The following TRPM4 variants were observed in gnomAD, a reference collection of about 807,000 sequenced individuals.
TRPM4 encodes calcium-activated non-selective cation channel 1.
In TRPM4, 124 loss-of-function variants were observed where a neutral mutation model predicts 135.6. That is an observed-to-expected ratio of 0.91 (90% CI 0.79 to 1.06). The LOEUF is 1.06. Ranked by LOEUF, TRPM4 falls within the 50% of genes least tolerant of loss-of-function variation. TRPM4 has a pLI of 0.00. For missense variants in TRPM4, 1,658 were observed against 1,671.4 expected, an observed-to-expected ratio of 0.99 and a Z score of 0.14; for synonymous variants, 745 against 705.6, an observed-to-expected ratio of 1.06 and a Z score of -0.88.
rs994755458 is a variant in TRPM4, at chr19:49,196,725, C to T, written c.2496C>T (p.Gly832=). 6.4e-7 allele frequency: 1 copy of T among 1,553,040 alleles called. No individual in the cohort carries two copies. Among genetic ancestry groups the T allele is most frequent in the Non-Finnish European group, 8.7e-7 (1 of 1,155,802 alleles). Residue 832 remains glycine, a synonymous_variant, in exon 17 of 25, where the codon GGC becomes GGT. Transcript: ENST00000252826. ...FTLLCEELRQ[G]LSGGGGSLAS... is the part of the protein sequence containing the mutation. ...TGCTGTGCGAGGAACTGCGCCAGGGCCTGAGCGGAGGCGGGGGCAGCCTCG... is the reference window on the plus strand; with the variant it reads ...TGCTGTGCGAGGAACTGCGCCAGGGTCTGAGCGGAGGCGGGGGCAGCCTCG...
At chr19:49,175,428 C>T (rs1967648561) in intron 9 of TRPM4, among the ~76,000 whole-genome samples, 1 of 151,810 alleles carries the variant, frequency 6.6e-6, no homozygotes, top group South Asian at 2.1e-4. Flanking sequence ...AGGCTGGTCT[C>T]GAACTCCTGG....
intron 2 of TRPM4, 82 bp downstream of exon 2, chr19:49,158,341 C>T (rs2122726675): frequency 7.8e-7 from 1 of 1,276,952 alleles, no homozygotes; most frequent in Non-Finnish European, 1.1e-6. Flanking sequence ...CCCAGCCCTG[C>T]TCCTTCCCCA....
chr19:49,185,109 G>T (rs2122959701), intron 12 of TRPM4, among the ~76,000 whole-genome samples: 1 of 151,800 alleles, frequency 6.6e-6, no homozygotes, highest in African/African-American at 2.4e-5. Context: ...AGCTCTTCGA[G>T]CATATTTAAG....
intron 2 of TRPM4, 130 bp downstream of exon 2, chr19:49,158,389 C>A (rs2041560180): frequency 1.2e-6 from 1 of 837,762 alleles, no homozygotes; most frequent in East Asian, 2.4e-5. Context: ...GCGTTCCTTG[C>A]CGACGCTCTC....
At chr19:49,158,329 G>A in intron 2 of TRPM4, 70 bp downstream of exon 2, 1 of 1,351,752 alleles carries the variant, frequency 7.4e-7, no homozygotes. Context: ...GGATGGTCAC[G>A]CCCCAGCCCT....
intron 16 of TRPM4, among the ~76,000 whole-genome samples, chr19:49,195,984 G>T (rs770418696): frequency 1.3e-5 from 2 of 151,342 alleles, no homozygotes; most frequent in African/African-American, 4.9e-5. Context: ...TCAGCCTCCC[G>T]AGTATGTGGG....
intron 17 of TRPM4, among the ~76,000 whole-genome samples, chr19:49,199,967 T>C (rs1365975362): frequency 1.3e-5 from 2 of 152,218 alleles, no homozygotes; most frequent in Non-Finnish European, 2.9e-5. Context: ...TGCGTATTAG[T>C]TTGTAAGGAC....
chr19:49,176,510 G>C (rs1002134863), intron 9 of TRPM4, among the ~76,000 whole-genome samples: 5 of 152,098 alleles, frequency 3.3e-5, no homozygotes, highest in Non-Finnish European at 7.3e-5. Flanking sequence ...GCTGTGGTAG[G>C]GTAGAAAGAG....
intron 16 of TRPM4, 150 bp from the exon 17 acceptor site, chr19:49,196,290 A>G (rs1968631337): frequency 1.4e-6 from 1 of 714,096 alleles, no homozygotes; most frequent in Admixed American, 3.1e-5. Flanking sequence ...GTTAGATACA[A>G]GAGTCAAAAC....
intron 16 of TRPM4, among the ~76,000 whole-genome samples, chr19:49,193,681 G>A (rs998056209): frequency 6.6e-6 from 1 of 151,954 alleles, no homozygotes; most frequent in South Asian, 2.1e-4. Context: ...TGGCAGATGT[G>A]GGGGAAGCTT....
intron 14 of TRPM4, 96 bp downstream of exon 14, chr19:49,189,187 G>C (rs878933576): frequency 5.2e-6 from 8 of 1,530,476 alleles, no homozygotes; most frequent in Admixed American, 3.7e-5. Flanking sequence ...CTATGGTCTT[G>C]ACCAGCCACT....
chr19:49,189,694 A>C (rs1195780513), intron 14 of TRPM4, among the ~76,000 whole-genome samples: 1 of 152,174 alleles, frequency 6.6e-6, no homozygotes, highest in East Asian at 1.9e-4. Flanking sequence ...TTTTTAGTTT[A>C]AATCTGACAG....
At chr19:49,159,548 T>C (rs2041600080) in intron 2 of TRPM4, 2 of 152,236 alleles carry the variant, frequency 1.3e-5, no homozygotes, top group South Asian at 4.1e-4. Context: ...AGTGTTGCGA[T>C]ATCAGCTCAC....
intron 5 of TRPM4, 29 bp downstream of exon 5, chr19:49,168,452 C>T: frequency 6.2e-7 from 1 of 1,613,840 alleles, no homozygotes; most frequent in African/African-American, 1.3e-5. Context: ...GAAAAGGGGG[C>T]TGGAGGCCTG....
rs115947308 is a variant in TRPM4 at position 49,171,915 on chromosome 19, T to A, written c.1051-94T>A. 2 of 1,371,882 alleles carry A rather than the reference T, an allele frequency of 1.5e-6. No homozygotes were observed. The highest frequency in any genetic ancestry group is 2.1e-6 in the Non-Finnish European group (2 of 962,450). 85.0% of individuals were successfully genotyped at this position (1,371,882 alleles called of 1,614,324 possible). A position where few individuals can be genotyped will look rare whatever the true frequency, so the allele number is the denominator to read the frequency against. On this transcript the variant is annotated intron_variant, in intron 8 of 24. Transcript: ENST00000252826. The surrounding 1 kb of genome is among the most constrained non-coding windows in gnomAD (Gnocchi z 4.7). ...GCTGGGCATATAGACTATTAGGTCC[T>A]GGAGGGGAATGGCCTCCTCCATCCC...
In TRPM4 at chr19:49,200,727, C is replaced by T. The variant is rs1271791433; in HGVS notation, c.2895C>T (p.Arg965=). The T allele has an allele frequency of 2.5e-6, 4 of 1,614,024 alleles. No individual in the cohort carries two copies. Among genetic ancestry groups the T allele is most frequent in the Admixed American group, 1.7e-5 (1 of 59,992 alleles). The stretch of plus-strand genomic sequence containing the variant: ...GTGACTTCCCAAGTATCCTGCGCCG[C>T]GTCTTCTACCGTCCCTACCTGCAGA... ...RDSDFPSILR[R]VFYRPYLQIF... is the part of the protein sequence containing the mutation. The change falls in exon 19 of 25, where the codon CGC becomes CGT. Residue 965 remains arginine, a synonymous_variant. Transcript: ENST00000252826.
chr19:49,182,432 C>G (rs1968003388), intron 10 of TRPM4, 146 bp from the exon 11 acceptor site: 1 of 712,258 alleles, frequency 1.4e-6, no homozygotes, highest in Non-Finnish European at 2.5e-6. Flanking sequence ...ATCTACCTAT[C>G]CATTCATCCA....
intron 6 of TRPM4, among the ~76,000 whole-genome samples, chr19:49,170,288 A>C (rs997860336): frequency 2.0e-5 from 3 of 152,054 alleles, no homozygotes; most frequent in African/African-American, 7.3e-5. Flanking sequence ...TCCTAGGTTC[A>C]AGCGTTTTTC....
intron 16 of TRPM4, among the ~76,000 whole-genome samples, chr19:49,194,298 A>C (rs1711561973): frequency 6.6e-6 from 1 of 152,000 alleles, no homozygotes; most frequent in African/African-American, 2.4e-5. Context: ...TCTGTCACTC[A>C]GGCTGGAGAG....
Sources: allele counts gnomAD v4.1 joint callset (sites outside exome capture counted in the v4.1 genomes callset), GRCh38; gene constraint gnomAD v4.1.1; non-coding constraint Gnocchi (gnomAD v3.1); transcripts MANE v1.5; gene names NCBI Gene and HGNC (gene_info 2026-07-23, HGNC 2026-07-21).